The following LRBA variants were observed in gnomAD, a reference collection of about 807,000 sequenced individuals.
The protein encoded by LRBA is LPS responsive beige-like anchor protein.
LRBA carries 176 observed loss-of-function variants against 330.0 expected under a neutral mutation model. The observed-to-expected ratio is 0.53, with a 90% CI of 0.47 to 0.60. The LOEUF (loss-of-function observed/expected upper bound fraction) is 0.60, where lower values mean the gene tolerates loss of function less well. Among genes scored for constraint, LRBA ranks in the 20% least tolerant of loss-of-function variants. The pLI is 0.00. For missense variants in LRBA, 3,259 were observed against 3,444.8 expected (o/e 0.95, Z 1.35); for synonymous variants, 1,230 against 1,193.0 (o/e 1.03, Z -0.64).
intron 36 of LRBA, among the ~76,000 whole-genome samples, chr4:150,687,307 A>T (rs1783710556): frequency 6.6e-6 from 1 of 152,118 alleles, no homozygotes; most frequent in Admixed American, 6.5e-5. Context: ...TGTAGTATAC[A>T]TATTTGTGTA....
At position 150,893,153 on chromosome 4, in the gene LRBA, T is replaced by C. The variant is rs772804064; in HGVS notation, c.2068-4A>G. ...GGACATCCATTAGATTGTCATCCTA[T>C]AATCATTTTAGAAATTTTTTTTAAA... On this transcript the variant is annotated splice_polypyrimidine_tract_variant and splice_region_variant and intron_variant, in intron 16 of 56. Transcript: ENST00000651943. 1.8e-5 allele frequency: 28 copies of C among 1,564,196 alleles called. No homozygotes were observed.
chr4:150,586,639 T>C (rs1772151156), intron 40 of LRBA, among the ~76,000 whole-genome samples: 1 of 152,134 alleles, frequency 6.6e-6, no homozygotes, highest in Non-Finnish European at 1.5e-5. Context: ...AAAAAAATAA[T>C]TTAATGATGC....
rs1463232102 is a variant in LRBA, at chr4:150,878,900, A to AT, written c.2166-6146dup. Among the ~76,000 whole-genome samples, 5 of 151,774 alleles carry AT rather than the reference A, an allele frequency of 3.3e-5. No homozygotes were observed. In the East Asian group the frequency reaches 5.8e-4, roughly 17 times the overall value. ...TTTTGGTTACCTACTAACCAAAAAA[A>AT]TCCTAGATGAGGTAAATTCACTGCC... On this transcript the variant is annotated intron_variant, in intron 17 of 56. Coordinates refer to ENST00000651943, the MANE Select transcript of LRBA (RefSeq NM_001364905.1).
rs1386994001 is a variant in LRBA, at chr4:150,908,671, G to C, written c.1348C>G (p.Leu450Val). 21 of 1,612,992 alleles carry C rather than the reference G, an allele frequency of 1.3e-5. No individual in the cohort carries two copies. Among genetic ancestry groups the C allele is most frequent in the Non-Finnish European group, 1.8e-5 (21 of 1,179,160 alleles). Residue 450 changes from leucine (L) to valine (V), a missense_variant, in exon 10 of 57, where the codon CTC becomes GTC. Transcript: ENST00000651943. ...ATCACAGTTAGTACCTGGAGCATGAGTGCATGTGGTGAATGAACAAAAATT... is the reference window on the plus strand; with the variant it reads ...ATCACAGTTAGTACCTGGAGCATGACTGCATGTGGTGAATGAACAAAAATT... ...PSIFVHSPHA[L>V]MLQDVKAVLT... is the part of the protein sequence containing the mutation.
At chr4:150,559,815 AATATATAATAATATAAAATATAAT>A (rs1561351853) in intron 40 of LRBA, among the ~76,000 whole-genome samples, 3 of 70,580 alleles carry the variant, frequency 4.3e-5, no homozygotes, top group South Asian at 3.7e-4. Context: ...TATATATAAT[AATATATAATAATATAAAATATAAT>A]ATATATAATA....
At chr4:150,523,544 C>G (rs747362127) in intron 40 of LRBA, among the ~76,000 whole-genome samples, 5 of 151,932 alleles carry the variant, frequency 3.3e-5, no homozygotes, top group Non-Finnish European at 5.9e-5. Context: ...TTTGCTATAC[C>G]AGCACAAACA....
intron 2 of LRBA, among the ~76,000 whole-genome samples, chr4:150,980,368 CA>C (rs1740697129): frequency 6.6e-6 from 1 of 152,186 alleles, no homozygotes; most frequent in South Asian, 2.1e-4. Context: ...CAGATAGTAT[CA>C]TACTGATGGG....
At chr4:150,381,646 T>A (rs1742280132) in intron 47 of LRBA, among the ~76,000 whole-genome samples, 1 of 151,192 alleles carries the variant, frequency 6.6e-6, no homozygotes, top group Non-Finnish European at 1.5e-5. Context: ...CTATGACTAA[T>A]GCTGCTATAA....
At chr4:150,569,035 A>G (rs1769509980) in intron 40 of LRBA, among the ~76,000 whole-genome samples, 1 of 152,194 alleles carries the variant, frequency 6.6e-6, no homozygotes, top group Admixed American at 6.5e-5. Flanking sequence ...CAAAATGGTG[A>G]CAATACCTAC....
chr4:150,660,486 G>C (rs924885723), intron 37 of LRBA, among the ~76,000 whole-genome samples: 1 of 151,526 alleles, frequency 6.6e-6, no homozygotes, highest in Non-Finnish European at 1.5e-5. Flanking sequence ...GGTGGGGGGG[G>C]TCAGCCCCCC....
intron 40 of LRBA, among the ~76,000 whole-genome samples, chr4:150,508,031 G>A (rs1259137142): frequency 7.2e-6 from 1 of 138,008 alleles, no homozygotes; most frequent in Non-Finnish European, 1.5e-5. Context: ...TGAAAAATAA[G>A]AACACATGGA....
At chr4:150,330,074 T>C (rs1245515631) in intron 48 of LRBA, among the ~76,000 whole-genome samples, 1 of 152,192 alleles carries the variant, frequency 6.6e-6, no homozygotes, top group African/African-American at 2.4e-5. Context: ...GTGATTCCAG[T>C]AATTAAAAGA....
chr4:150,533,256 T>A (rs887357988), intron 40 of LRBA, among the ~76,000 whole-genome samples: 1 of 152,110 alleles, frequency 6.6e-6, no homozygotes, highest in African/African-American at 2.4e-5. Flanking sequence ...TCACTGCTCA[T>A]CACAGCCTCA....
In LRBA at chr4:151,014,439, A is replaced by G. The variant is rs143383047; in HGVS notation, c.204T>C (p.Thr68=). 1.5e-4 allele frequency: 246 copies of G among 1,613,782 alleles called. 1 individual carries two copies. The African/African-American group carries it at 2.9e-3, about 19-fold the overall frequency. ...TTCATGGACTTACCAGGTTAAAGAC[A>G]GTTTCTACAATATCCCTATTGGATA... The part of the protein sequence containing the change: ...GEVSNRDIVE[T]VFNLLVGGQF... Residue 68 remains threonine (T), a synonymous_variant, in exon 2 of 57, where the codon ACT becomes ACC. Coordinates refer to ENST00000651943, the MANE Select transcript of LRBA (RefSeq NM_001364905.1).
intron 44 of LRBA, among the ~76,000 whole-genome samples, chr4:150,443,853 A>AAAAATATATATATATATATATAT (rs70941406): frequency 4.0e-5 from 3 of 75,478 alleles, no homozygotes; most frequent in Admixed American, 1.4e-4. Flanking sequence ...TAATTAAAAA[A>AAAAATATATATATATATATATAT]ATATATATAT....
In LRBA at chr4:150,639,827, A is replaced by ATG. The variant is rs1561458102; in HGVS notation, c.5922-40697_5922-40696insCA. Among the ~76,000 whole-genome samples, 14 of 12,052 alleles carry ATG rather than the reference A, an allele frequency of 1.2e-3. 3 individuals carry two copies. The highest frequency in any genetic ancestry group is 1.1e-3 in the Non-Finnish European group (5 of 4,422). 7.9% of individuals were successfully genotyped at this position (12,052 alleles called of 152,430 possible). ...TATATGTGTGTGTGTGTGTATATAT[A>ATG]TATATATATATATATATATATATAT... On this transcript the variant is annotated intron_variant, in intron 37 of 56. Transcript: ENST00000651943.
chr4:151,011,615 A>T (rs1310838127), intron 2 of LRBA, among the ~76,000 whole-genome samples: 1 of 151,876 alleles, frequency 6.6e-6, no homozygotes, highest in Non-Finnish European at 1.5e-5. Flanking sequence ...AAAAAAAAAA[A>T]AAAGACTAAC....
intron 46 of LRBA, chr4:150,422,720 G>C: frequency 1.2e-6 from 1 of 840,946 alleles, no homozygotes; most frequent in Non-Finnish European, 2.0e-6. Flanking sequence ...TGAGCCTCTG[G>C]AACCCACCTG....
chr4:150,322,336 C>T (rs1732626126), intron 49 of LRBA, among the ~76,000 whole-genome samples: 1 of 152,172 alleles, frequency 6.6e-6, no homozygotes, highest in South Asian at 2.1e-4. Flanking sequence ...GATTTATTGG[C>T]TTTATTTATA....
Sources: allele counts gnomAD v4.1 joint callset (sites outside exome capture counted in the v4.1 genomes callset), GRCh38; gene constraint gnomAD v4.1.1; transcripts MANE v1.5; gene names NCBI Gene and HGNC (gene_info 2026-07-23, HGNC 2026-07-21).